The following EML2 variants were observed in gnomAD, a reference collection of about 807,000 sequenced individuals.
EML2 encodes EMAP like 2, also known as echinoderm microtubule-associated protein-like 2.
A neutral mutation model predicts 84.7 loss-of-function variants in EML2; 59 were observed. That is an observed-to-expected ratio of 0.70 (90% CI 0.56 to 0.86). The LOEUF is 0.86. EML2 is among the 40% of genes least tolerant of loss of function. EML2 has a pLI of 0.00. For synonymous variants in EML2, 352 were observed against 348.9 expected, an observed-to-expected ratio of 1.01 and a Z score of -0.10; for missense variants, 818 against 855.6, an observed-to-expected ratio of 0.96 and a Z score of 0.55.
chr19:45,612,936 C>T (rs1487075607), intron 18 of EML2, among the ~76,000 whole-genome samples: 1 of 151,488 alleles, frequency 6.6e-6, no homozygotes, highest in African/African-American at 2.4e-5. Context: ...CTTGCTCTGT[C>T]GCCCAGGCTA....
At chr19:45,627,226 G>T (rs1972467357) in intron 7 of EML2, among the ~76,000 whole-genome samples, 1 of 151,316 alleles carries the variant, frequency 6.6e-6, no homozygotes, top group Admixed American at 6.6e-5. Flanking sequence ...TAAAGTGCTG[G>T]GATTACAGGC....
chr19:45,629,903 A>G, intron 7 of EML2, 48 bp downstream of exon 7: 3 of 1,429,400 alleles, frequency 2.1e-6, no homozygotes, highest in South Asian at 1.1e-5. Flanking sequence ...AGATTGGGAA[A>G]GTCCCACAGT....
chr19:45,641,013 C>A (rs1974422361), upstream of EML2: 2 of 152,808 alleles, frequency 1.3e-5, no homozygotes, highest in East Asian at 3.9e-4. Context: ...TGATTACGTC[C>A]ATTTTCACGT....
chr19:45,630,639 C>CT (rs1453917227), intron 6 of EML2, among the ~76,000 whole-genome samples: 1 of 151,462 alleles, frequency 6.6e-6, no homozygotes, highest in Non-Finnish European at 1.5e-5. Flanking sequence ...GCTGTGAAGA[C>CT]ATCTGAAATG....
intron 18 of EML2, among the ~76,000 whole-genome samples, chr19:45,611,967 G>A (rs969264423): frequency 2.0e-5 from 3 of 151,696 alleles, no homozygotes; most frequent in African/African-American, 7.3e-5. Flanking sequence ...TGCCTCCCGG[G>A]TTCAGGCAAT....
rs1300189668 is a variant in EML2, at chr19:45,625,888, G to GT, written c.741+816dup. 5.3e-5 allele frequency among the ~76,000 whole-genome samples: 8 copies of GT among 151,396 alleles called. No individual in the cohort carries two copies. The South Asian group carries it at 6.3e-4, about 12-fold the overall frequency. On this transcript the variant is annotated intron_variant, in intron 8 of 18. Transcript: ENST00000245925. ...TGTTTTTGTTTTTGTTTTTGTTTTT[G>GT]TTTTTTTTGAGACAGGATCTCACTC...
upstream of EML2, chr19:45,645,146 T>C (rs946647163): frequency 1.8e-6 from 2 of 1,107,178 alleles, no homozygotes; most frequent in South Asian, 3.2e-5. Flanking sequence ...AGGGTCCTGC[T>C]GAGGGAGAGA....
intron 13 of EML2, 70 bp downstream of exon 13, chr19:45,617,560 G>A: frequency 7.2e-7 from 1 of 1,396,292 alleles, no homozygotes; most frequent in East Asian, 2.3e-5. Context: ...GGGAAAGTAG[G>A]AAAGAGGGAA....
At chr19:45,645,151 G>A, upstream of EML2, 1 of 1,143,278 alleles carries the variant, frequency 8.7e-7, no homozygotes, top group East Asian at 2.6e-5. Context: ...CCTGCTGAGG[G>A]AGAGAAAAGG....
At chr19:45,616,341 C>T in intron 15 of EML2, 120 bp downstream of exon 15, 3 of 738,032 alleles carry the variant, frequency 4.1e-6, no homozygotes, top group Non-Finnish European at 6.7e-6. Context: ...AGACTCCTTG[C>T]TCTGATCAGG....
chr19:45,626,616 G>T, intron 8 of EML2, 89 bp downstream of exon 8: 1 of 1,459,260 alleles, frequency 6.9e-7, no homozygotes, highest in Non-Finnish European at 9.3e-7. Context: ...CCAAACCCCT[G>T]CCACCCTCTG....
chr19:45,641,409 C>A, upstream of EML2: 1 of 519,092 alleles, frequency 1.9e-6, no homozygotes, highest in Admixed American at 3.4e-5. Flanking sequence ...ACCTGACCGT[C>A]CAGCTTCTAA....
At chr19:45,643,552 C>T (rs182481737), upstream of EML2, 137 of 1,535,972 alleles carry the variant, frequency 8.9e-5, no homozygotes, top group African/African-American at 1.7e-3. Flanking sequence ...TGGCCCCTCT[C>T]CCCCTTTTCC....
intron 9 of EML2, among the ~76,000 whole-genome samples, chr19:45,622,700 A>C (rs1971849652): frequency 1.3e-5 from 2 of 152,124 alleles, no homozygotes; most frequent in Non-Finnish European, 2.9e-5. Context: ...CAAAGTGCCA[A>C]GATTACAGGT....
intron 17 of EML2, among the ~76,000 whole-genome samples, chr19:45,614,043 CT>C (rs1215229375): frequency 2.0e-5 from 3 of 152,212 alleles, no homozygotes; most frequent in Admixed American, 6.6e-5. Context: ...GTACTATTCC[CT>C]TTGCCAAGAG....
chr19:45,625,386 G>A (rs567745819), intron 8 of EML2, among the ~76,000 whole-genome samples: 5 of 152,278 alleles, frequency 3.3e-5, no homozygotes, highest in Admixed American at 1.3e-4. Flanking sequence ...GATTACAGGC[G>A]CCCACCATCA....
At position 45,629,418 on chromosome 19, in the gene EML2, G is replaced by A. The variant is rs369602231; in HGVS notation, c.606+533C>T. Among the ~76,000 whole-genome samples, 47 of 152,060 alleles carry A rather than the reference G, an allele frequency of 3.1e-4. 1 individual carries two copies. The East Asian group carries it at 5.8e-3, about 19-fold the overall frequency. On this transcript the variant is annotated intron_variant, in intron 7 of 18. Transcript: ENST00000245925. Reference sequence around the variant, plus strand: ...TTGGCTCACCGCAACCTCCGCCTCCGGGTTCAAGAGATTCTCCTGCCTCAG... The same window carrying A: ...TTGGCTCACCGCAACCTCCGCCTCCAGGTTCAAGAGATTCTCCTGCCTCAG...
intron 11 of EML2, chr19:45,620,729 AAAG>A: frequency 5.3e-6 from 1 of 189,484 alleles, no homozygotes; most frequent in South Asian, 9.4e-5. Context: ...AAAAAAAAAA[AAAG>A]TATAAATATA....
intron 16 of EML2, chr19:45,614,908 G>C (rs1026637938): frequency 1.0e-5 from 5 of 492,686 alleles, no homozygotes; most frequent in Non-Finnish European, 1.9e-5. Context: ...TTTTAAACCC[G>C]CATCTGGCCG....
Sources: allele counts gnomAD v4.1 joint callset (sites outside exome capture counted in the v4.1 genomes callset), GRCh38; gene constraint gnomAD v4.1.1; transcripts MANE v1.5; gene names NCBI Gene and HGNC (gene_info 2026-07-23, HGNC 2026-07-21).